PCDHGA1: variants seen among roughly 807,000 people sequenced by gnomAD.
PCDHGA1 encodes the protein protocadherin gamma subfamily A, 1.
In PCDHGA1, 32 loss-of-function variants were observed where a neutral mutation model predicts 58.0. The observed-to-expected ratio is 0.55, with a 90% confidence interval of 0.42 to 0.74. The LOEUF (loss-of-function observed/expected upper bound fraction) is 0.74. Among genes scored for constraint, PCDHGA1 ranks in the 30% least tolerant of loss-of-function variants. The pLI is 0.00. For missense variants in PCDHGA1, 1,205 were observed against 1,182.3 expected (o/e 1.02, Z -0.28); for synonymous variants, 498 against 501.1 (o/e 0.99, Z 0.08).
chr5:141,356,202 G>T, intron 1 of PCDHGA1: 1 of 1,607,648 alleles, frequency 6.2e-7, no homozygotes, highest in East Asian at 2.2e-5. Context: ...GCAAGGTACT[G>T]GTGACAGTTC....
At chr5:141,452,082 T>C (rs924362905) in intron 1 of PCDHGA1, among the ~76,000 whole-genome samples, 6 of 152,358 alleles carry the variant, frequency 3.9e-5, no homozygotes, top group Admixed American at 6.5e-5. Flanking sequence ...GTTGGCATTA[T>C]ACAGTAAGAA....
At chr5:141,463,653 G>T (rs1378583183) in intron 1 of PCDHGA1, among the ~76,000 whole-genome samples, 1 of 151,764 alleles carries the variant, frequency 6.6e-6, no homozygotes. Context: ...GGGTTTCACC[G>T]TGTTAGCCAG....
At position 141,333,090 on chromosome 5, in the gene PCDHGA1, G is replaced by A. The variant is rs1184129072; in HGVS notation, c.2406G>A (p.Lys802=). 1.2e-6 allele frequency: 2 copies of A among 1,614,170 alleles called. No homozygotes were observed. The highest frequency in any genetic ancestry group is 1.7e-6 in the Non-Finnish European group (2 of 1,180,036). Residue 802 remains lysine, a synonymous_variant, in exon 1 of 4, where the codon AAG becomes AAA. Transcript: ENST00000517417. ...SAPQSLLEDK[K]EPFSQQAPPN... ...CCCAGTCTTTACTTGAAGACAAAAA[G>A]GAACCATTTTCTCAGGTAAACTTTT...
intron 1 of PCDHGA1, chr5:141,430,641 T>G: frequency 1.1e-6 from 1 of 902,670 alleles, no homozygotes. Context: ...TCCCTGGGAG[T>G]ATGTGGAAAC....
chr5:141,439,965 T>C (rs1212358198), intron 1 of PCDHGA1: 1 of 152,760 alleles, frequency 6.5e-6, no homozygotes, highest in Non-Finnish European at 1.5e-5. Flanking sequence ...CGTTATTCAG[T>C]CCTAGAGGAG....
At chr5:141,498,919 C>A (rs897611505) in intron 2 of PCDHGA1, among the ~76,000 whole-genome samples, 1 of 122,240 alleles carries the variant, frequency 8.2e-6, no homozygotes. Context: ...GGTGACAGAG[C>A]GAGACTCCAT....
intron 1 of PCDHGA1, chr5:141,417,924 T>C (rs1197566429): frequency 1.9e-6 from 3 of 1,609,340 alleles, no homozygotes; most frequent in Admixed American, 1.7e-5. Flanking sequence ...CCTTTGCTGC[T>C]GCCTTTGTTC....
intron 1 of PCDHGA1, among the ~76,000 whole-genome samples, chr5:141,471,995 TG>T: frequency 6.6e-6 from 1 of 152,322 alleles, no homozygotes; most frequent in East Asian, 1.9e-4. Context: ...TAAAAATCCC[TG>T]CATCGTATAG....
chr5:141,374,130 T>C, intron 1 of PCDHGA1: 3 of 1,604,204 alleles, frequency 1.9e-6, no homozygotes, highest in Non-Finnish European at 1.7e-6. Flanking sequence ...CAGGTCCTGC[T>C]CCTCACGCTC....
At position 141,414,317 on chromosome 5, in the gene PCDHGA1, AG is replaced by A. The variant is rs757847465; in HGVS notation, c.2422-80489del. On this transcript the variant is annotated intron_variant, in intron 1 of 3. Transcript: ENST00000517417. The stretch of plus-strand genomic sequence containing the variant: ...TTAAATGTGCATGATTTAGACTCTG[AG>A]CAGAATGGACAGGTAACCTGTTCCA... The A allele has an allele frequency of 1.9e-6, 3 of 1,613,828 alleles. No individual in the cohort carries two copies. In the South Asian group the frequency reaches 3.3e-5, roughly 18 times the overall value.
At chr5:141,371,316 G>A in intron 1 of PCDHGA1, 1 of 1,614,002 alleles carries the variant, frequency 6.2e-7, no homozygotes, top group Non-Finnish European at 8.5e-7. Flanking sequence ...TGGAGAACTG[G>A]ACTTTGAAGA....
intron 1 of PCDHGA1, chr5:141,339,055 C>A: frequency 1.2e-6 from 2 of 1,611,996 alleles, no homozygotes; most frequent in African/African-American, 1.3e-5. Context: ...AGGCCAGGGC[C>A]GGGCAGATTC....
intron 1 of PCDHGA1, chr5:141,419,512 G>T (rs754877872): frequency 3.7e-6 from 6 of 1,612,296 alleles, no homozygotes; most frequent in South Asian, 1.1e-5. Context: ...TGCGCGTGTT[G>T]GTGGGCGACC....
chr5:141,384,703 G>T, intron 1 of PCDHGA1: 2 of 1,614,100 alleles, frequency 1.2e-6, no homozygotes, highest in Non-Finnish European at 8.5e-7. Context: ...AGGCCAGAAC[G>T]CCTGGCTGTC....
intron 1 of PCDHGA1, chr5:141,413,404 C>T: frequency 6.2e-7 from 1 of 1,614,046 alleles, no homozygotes; most frequent in Non-Finnish European, 8.5e-7. Context: ...AGGTAGGACG[C>T]AGCTTTTCTC....
intron 1 of PCDHGA1, chr5:141,355,995 A>G: frequency 6.2e-7 from 1 of 1,613,888 alleles, no homozygotes; most frequent in South Asian, 1.1e-5. Flanking sequence ...TCACCGTAAA[A>G]GCCACTGATC....
intron 1 of PCDHGA1, chr5:141,419,265 C>G: frequency 6.2e-7 from 1 of 1,614,040 alleles, no homozygotes; most frequent in Non-Finnish European, 8.5e-7. Context: ...CAGCCGGGTG[C>G]CTCCATAGCG....
chr5:141,364,391 G>C, intron 1 of PCDHGA1: 1 of 1,602,644 alleles, frequency 6.2e-7, no homozygotes. Context: ...CATGCTCCTG[G>C]GGACGCTGTG....
intron 1 of PCDHGA1, among the ~76,000 whole-genome samples, chr5:141,475,339 T>C (rs1295364417): frequency 1.3e-5 from 2 of 152,188 alleles, no homozygotes; most frequent in Non-Finnish European, 2.9e-5. Flanking sequence ...AACAATGACA[T>C]CCAGTTTTAA....
Sources: allele counts gnomAD v4.1 joint callset (sites outside exome capture counted in the v4.1 genomes callset), GRCh38; gene constraint gnomAD v4.1.1; transcripts MANE v1.5; gene names NCBI Gene and HGNC (gene_info 2026-07-23, HGNC 2026-07-21).